CLIC4: variants seen among roughly 807,000 people sequenced by gnomAD.
CLIC4 encodes CLIC family member 4, also known as chloride intracellular channel protein 4.
CLIC4 carries 13 observed loss-of-function variants against 24.6 expected under a neutral mutation model. The ratio of observed to expected loss-of-function variants is 0.53; its 90% CI spans 0.34 to 0.84. CLIC4 has a LOEUF of 0.84. Ranked by LOEUF, CLIC4 falls within the 40% of genes least tolerant of loss-of-function variation. The probability of loss-of-function intolerance (pLI) is 0.01; values close to 1 mark genes in which losing one functional copy is unlikely to be tolerated. For missense variants in CLIC4, 227 were observed against 301.7 expected (o/e 0.75, Z 1.83); for synonymous variants, 104 against 111.3 (o/e 0.93, Z 0.41).
At chr1:24,747,801 G>A (rs1224570227) in intron 1 of CLIC4, among the ~76,000 whole-genome samples, 2 of 151,928 alleles carry the variant, frequency 1.3e-5, no homozygotes, top group African/African-American at 2.4e-5. Flanking sequence ...TTGGGATGCC[G>A]AGATGGGGAG....
chr1:24,750,436 CTTTTTTTTTT>C (rs368673049), intron 1 of CLIC4, among the ~76,000 whole-genome samples: 2 of 137,514 alleles, frequency 1.5e-5, no homozygotes, highest in African/African-American at 5.3e-5. Flanking sequence ...TTCTTTCTTT[CTTTTTTTTTT>C]TTTTTTTAAG....
At chr1:24,785,064 T>G (rs1046464871) in intron 1 of CLIC4, among the ~76,000 whole-genome samples, 1 of 149,952 alleles carries the variant, frequency 6.7e-6, no homozygotes, top group African/African-American at 2.4e-5. Context: ...TTAGTGAACA[T>G]TTAAACTTTA....
intron 1 of CLIC4, among the ~76,000 whole-genome samples, chr1:24,748,376 A>G (rs953683943): frequency 2.7e-5 from 4 of 150,710 alleles, no homozygotes; most frequent in African/African-American, 9.8e-5. Flanking sequence ...TGGTTGGGTG[A>G]CCCTAGGCAG....
At chr1:24,839,775 A>T in intron 4 of CLIC4, 85 bp from the exon 5 acceptor site, 1 of 1,183,268 alleles carries the variant, frequency 8.5e-7, no homozygotes, top group South Asian at 1.5e-5. Flanking sequence ...TTAAACAGTT[A>T]TTGACTCAAA....
chr1:24,762,080 A>T (rs151052804), intron 1 of CLIC4, among the ~76,000 whole-genome samples: 12 of 152,272 alleles, frequency 7.9e-5, no homozygotes, highest in Non-Finnish European at 1.2e-4. Flanking sequence ...TGACATACAT[A>T]TATGTATATA....
intron 1 of CLIC4, among the ~76,000 whole-genome samples, chr1:24,796,251 C>T (rs910832044): frequency 3.9e-4 from 59 of 152,154 alleles, no homozygotes; most frequent in African/African-American, 1.3e-3. Flanking sequence ...TGCAGTGGCA[C>T]GATGTCGGCT....
intron 4 of CLIC4, among the ~76,000 whole-genome samples, chr1:24,831,813 A>AT (rs1639843523): frequency 6.6e-6 from 1 of 151,802 alleles, no homozygotes; most frequent in South Asian, 2.1e-4. Context: ...TAAGTTTTGT[A>AT]TTTTTAGTAG....
intron 3 of CLIC4, among the ~76,000 whole-genome samples, chr1:24,818,750 G>A (rs1301287896): frequency 2.6e-5 from 4 of 151,478 alleles, no homozygotes; most frequent in Non-Finnish European, 5.9e-5. Context: ...GTGGTGGGAC[G>A]GGGAAGTGAA....
chr1:24,783,437 C>CA (rs1326991669), intron 1 of CLIC4, among the ~76,000 whole-genome samples: 14 of 152,086 alleles, frequency 9.2e-5, no homozygotes, highest in Non-Finnish European at 1.6e-4. Flanking sequence ...CGTGGTGGCT[C>CA]ACGCCTGTAA....
At chr1:24,806,988 C>T (rs1639557217) in intron 2 of CLIC4, among the ~76,000 whole-genome samples, 1 of 151,966 alleles carries the variant, frequency 6.6e-6, no homozygotes, top group African/African-American at 2.4e-5. Flanking sequence ...TAGTTTTCTC[C>T]CTCTCCCAAT....
chr1:24,815,771 C>T (rs1639661815), intron 3 of CLIC4, among the ~76,000 whole-genome samples: 2 of 152,138 alleles, frequency 1.3e-5, no homozygotes, highest in African/African-American at 4.8e-5. Flanking sequence ...TATTCTTTGC[C>T]TGAGGCTAAT....
Position 24,814,273 on chromosome 1 carries a change from G to A in CLIC4, c.308+54G>A, listed in dbSNP as rs181032485. 2.5e-5 allele frequency: 40 copies of A among 1,572,030 alleles called. No individual in the cohort carries two copies. In the East Asian group the frequency reaches 8.8e-4, roughly 34 times the overall value. ...ATATTGTCACTTCTTTGAAGCTTGT[G>A]TTATTTGTCAGTAGAGATCTTTCTC... On this transcript the variant is annotated intron_variant, in intron 3 of 5. Coordinates refer to ENST00000374379, the MANE Select transcript of CLIC4 (RefSeq NM_013943.3).
At chr1:24,756,290 C>T (rs1316489588) in intron 1 of CLIC4, among the ~76,000 whole-genome samples, 5 of 152,160 alleles carry the variant, frequency 3.3e-5, no homozygotes, top group African/African-American at 7.2e-5. Flanking sequence ...TGAGCCACCG[C>T]GCCCTGCTAA....
chr1:24,823,689 G>A (rs1352688858), intron 3 of CLIC4, among the ~76,000 whole-genome samples: 3 of 147,564 alleles, frequency 2.0e-5, no homozygotes, highest in South Asian at 4.2e-4. Flanking sequence ...CAGGAGAATC[G>A]CTTGAAACCG....
intron 1 of CLIC4, among the ~76,000 whole-genome samples, chr1:24,787,739 G>T (rs12133698): frequency 0.33 from 49,630 of 149,500 alleles, 8,553 homozygotes; most frequent in Middle Eastern, 0.51. Context: ...TACAGATGGG[G>T]TTTCACCGTG....
rs759811543 is a variant in CLIC4, at chr1:24,840,902, G to C, written c.727G>C (p.Ala243Pro). 1.9e-6 allele frequency: 3 copies of C among 1,606,928 alleles called. No individual in the cohort carries two copies. The highest frequency in any genetic ancestry group is 2.5e-6 in the Non-Finnish European group (3 of 1,176,936). Residue 243 changes from alanine to proline, a missense_variant, in exon 6 of 6, where the codon GCA becomes CCA. Ala to Pro is a conservative substitution (Grantham distance 27, BLOSUM62 -1). Coordinates refer to ENST00000374379, the MANE Select transcript of CLIC4 (RefSeq NM_013943.3). ...TCPSDKEVEI[A>P]YSDVAKRLTK ...TCCCAGTGATAAGGAGGTTGAAATA[G>C]CATATAGTGATGTAGCCAAAAGACT...
At chr1:24,783,578 C>T (rs965286340) in intron 1 of CLIC4, among the ~76,000 whole-genome samples, 22 of 152,128 alleles carry the variant, frequency 1.4e-4, no homozygotes, top group African/African-American at 4.8e-4. Flanking sequence ...TGGTGCATGC[C>T]TGTAGTCCCA....
At position 24,760,349 on chromosome 1, in the gene CLIC4, G is replaced by A. The variant is rs1638911636; in HGVS notation, c.72+14724G>A. On this transcript the variant is annotated intron_variant, in intron 1 of 5. Coordinates refer to ENST00000374379, the MANE Select transcript of CLIC4 (RefSeq NM_013943.3). Reference sequence around the variant, plus strand: ...CCACTGCACTCCAGTGACAGAGGGGGACTCCATCTCAAAAAAAAAGAAAAA... The same window carrying A: ...CCACTGCACTCCAGTGACAGAGGGGAACTCCATCTCAAAAAAAAAGAAAAA... Among the ~76,000 whole-genome samples the A allele has an allele frequency of 5.3e-5, 8 of 151,816 alleles. No individual in the cohort carries two copies. The South Asian group carries it at 1.5e-3, about 28-fold the overall frequency.
chr1:24,840,890 G>A lies in CLIC4; in HGVS notation c.715G>A (p.Glu239Lys), dbSNP rs1639935028. The change falls in exon 6 of 6, where the codon GAG (glutamate) becomes AAG (lysine). Residue 239 changes from glutamate to lysine, a missense_variant. By Grantham distance (56) the Glu-to-Lys change is moderately conservative (BLOSUM62 1). Transcript: ENST00000374379. ...CACCAATACCTGTCCCAGTGATAAGGAGGTTGAAATAGCATATAGTGATGT... is the reference window on the plus strand; with the variant it reads ...CACCAATACCTGTCCCAGTGATAAGAAGGTTGAAATAGCATATAGTGATGT... ...EFTNTCPSDK[E>K]VEIAYSDVAK... 6.2e-7 allele frequency: 1 copy of A among 1,611,742 alleles called. No individual in the cohort carries two copies. The highest frequency in any genetic ancestry group is 1.3e-5 in the African/African-American group (1 of 74,752).
Sources: gnomAD v4.1 joint callset for allele counts (sites outside exome capture counted in the v4.1 genomes callset) on GRCh38, gnomAD v4.1.1 for gene constraint, MANE v1.5 for transcripts, NCBI Gene and HGNC (gene_info 2026-07-23, HGNC 2026-07-21) for gene names.